The following GORAB variants were observed in gnomAD, a reference collection of about 807,000 sequenced individuals.
GORAB encodes the protein golgin, RAB6 interacting.
In GORAB, 17 loss-of-function variants were observed where a neutral mutation model predicts 29.9. The observed-to-expected ratio is 0.57, with a 90% confidence interval of 0.39 to 0.85. The LOEUF is 0.85. Among genes scored for constraint, GORAB ranks in the 40% least tolerant of loss-of-function variants. The pLI, the probability that GORAB is intolerant of heterozygous loss-of-function variation, is 0.00. For synonymous variants in GORAB, 183 were observed against 157.2 expected, an observed-to-expected ratio of 1.16 and a Z score of -1.23; for missense variants, 442 against 437.8, an observed-to-expected ratio of 1.01 and a Z score of -0.09.
intron 2 of GORAB, 191 bp downstream of exon 2, chr1:170,539,758 G>A (rs1649301285): frequency 1.6e-6 from 1 of 611,428 alleles, no homozygotes; most frequent in African/African-American, 1.9e-5. Context: ...CAGGCATTCT[G>A]TATGTTTTAT....
At position 170,534,931 on chromosome 1, in the gene GORAB, G is replaced by C. The variant is rs546127775; in HGVS notation, c.61+2647G>C. On this transcript the variant is annotated intron_variant, in intron 1 of 4. Transcript: ENST00000367763. ...ATTGGTATTTATGAAATCAGGTTAA[G>C]ACAAGTTAAGCTAAAGTAACAAATA... is the stretch of plus-strand genomic sequence containing the variant. 2.0e-5 allele frequency among the ~76,000 whole-genome samples: 3 copies of C among 152,260 alleles called. No individual in the cohort carries two copies. The South Asian group carries it at 6.2e-4, about 32-fold the overall frequency.
At chr1:170,544,586 A>G (rs1037570542) in intron 3 of GORAB, 119 bp from the exon 4 acceptor site, 2 of 699,392 alleles carry the variant, frequency 2.9e-6, no homozygotes, top group Non-Finnish European at 4.4e-6. Flanking sequence ...ATTTTTTTCT[A>G]ACTTTTAAAA....
chr1:170,544,172 T>TA (rs769619951), intron 3 of GORAB, among the ~76,000 whole-genome samples: 5 of 152,194 alleles, frequency 3.3e-5, no homozygotes, highest in Non-Finnish European at 7.3e-5. Context: ...TTTTCGTAAC[T>TA]AGTAGTTTTC....
intron 1 of GORAB, among the ~76,000 whole-genome samples, chr1:170,534,682 A>G (rs570369156): frequency 2.0e-5 from 3 of 152,286 alleles, no homozygotes; most frequent in African/African-American, 7.2e-5. Flanking sequence ...ATAGTGACAT[A>G]CTGTACAGGT....
Position 170,533,476 on chromosome 1 carries a change from C to G in GORAB, c.61+1192C>G, listed in dbSNP as rs1309844966. 5 of 426,522 alleles carry G rather than the reference C, an allele frequency of 1.2e-5. No homozygotes were observed. The Admixed American group carries it at 1.2e-4, about 10-fold the overall frequency. The allele number at this position is 426,522 out of a possible 1,614,324, so 26.4% of individuals were successfully genotyped here. On this transcript the variant is annotated intron_variant, in intron 1 of 4. Transcript: ENST00000367763. ...CTTTGATATACAGGGTACAAGTGCC[C>G]TGGCCTCTGGTCTGACTCCAGTAGA...
chr1:170,532,376 G>T, intron 1 of GORAB, 92 bp downstream of exon 1: 1 of 1,399,244 alleles, frequency 7.1e-7, no homozygotes, highest in Admixed American at 1.7e-5. Context: ...GCGTGGAAGC[G>T]GCTACGTTTG....
intron 4 of GORAB, chr1:170,545,746 A>T: frequency 2.0e-6 from 2 of 985,212 alleles, no homozygotes; most frequent in South Asian, 4.7e-5. Flanking sequence ...TAAAGCGGAA[A>T]TGCTTGATTG....
chr1:170,540,356 CTT>C (rs944308779), intron 2 of GORAB, among the ~76,000 whole-genome samples: 4 of 151,670 alleles, frequency 2.6e-5, no homozygotes, highest in South Asian at 2.1e-4. Context: ...AATATATACT[CTT>C]ATTTCTTTGT....
In GORAB at chr1:170,552,470, G is replaced by T. The variant is rs755480388; in HGVS notation, c.*8G>T. 2 of 1,611,518 alleles carry T rather than the reference G, an allele frequency of 1.2e-6. No individual in the cohort carries two copies. Among genetic ancestry groups the T allele is most frequent in the African/African-American group, 1.3e-5 (1 of 74,970 alleles). Reference sequence around the variant, plus strand: ...GCTGCTTTGGCCACATGAAGTTCTGGTATTCTTTTGAGCTAATATGGTATT... The same window carrying T: ...GCTGCTTTGGCCACATGAAGTTCTGTTATTCTTTTGAGCTAATATGGTATT... On this transcript the variant is annotated 3_prime_UTR_variant, in exon 5 of 5. Coordinates refer to ENST00000367763, the MANE Select transcript of GORAB (RefSeq NM_152281.3).
intron 4 of GORAB, among the ~76,000 whole-genome samples, chr1:170,550,847 A>AG (rs1650058135): frequency 6.6e-6 from 1 of 152,248 alleles, no homozygotes; most frequent in African/African-American, 2.4e-5. Flanking sequence ...CAAGAGAGGA[A>AG]GGACCCTCTT....
intron 4 of GORAB, among the ~76,000 whole-genome samples, chr1:170,550,490 A>G (rs1441886558): frequency 6.6e-6 from 1 of 152,248 alleles, no homozygotes; most frequent in Admixed American, 6.5e-5. Context: ...CGTGTATCCT[A>G]CAATAAAACC....
chr1:170,537,521 A>G (rs1649136333), intron 1 of GORAB, among the ~76,000 whole-genome samples: 1 of 152,146 alleles, frequency 6.6e-6, no homozygotes, highest in South Asian at 2.1e-4. Context: ...ATTTGCCCCT[A>G]CAGCGTAATC....
intron 4 of GORAB, 37 bp from the exon 5 acceptor site, chr1:170,551,978 A>T: frequency 6.4e-7 from 1 of 1,567,852 alleles, no homozygotes; most frequent in African/African-American, 1.4e-5. Flanking sequence ...TCTTCAATGG[A>T]AAACTGATGG....
chr1:170,539,096 GTAGGAGAACCAC>G, intron 1 of GORAB, 102 bp from the exon 2 acceptor site: 1 of 1,269,882 alleles, frequency 7.9e-7, no homozygotes, highest in Non-Finnish European at 1.1e-6. Context: ...AGAGAATGGG[GTAGGAGAACCAC>G]TAGAATTATC....
At position 170,539,386 on chromosome 1, in the gene GORAB, T is replaced by C. The variant is rs1649262798; in HGVS notation, c.238T>C (p.Phe80Leu). The stretch of plus-strand genomic sequence containing the variant: ...GAGAGTTAACGTTCAAAAACCACCT[T>C]TTTCTTCCCCTACTCTTCCGAGTCA... ...KQRVNVQKPP[F>L]SSPTLPSHFT... Residue 80 changes from phenylalanine to leucine, a missense_variant, in exon 2 of 5, where the codon TTT becomes CTT. Phe to Leu is a conservative substitution (Grantham distance 22). Coordinates refer to ENST00000367763, the MANE Select transcript of GORAB (RefSeq NM_152281.3). The C allele has an allele frequency of 6.2e-7, 1 of 1,613,962 alleles. No homozygotes were observed. Among genetic ancestry groups the C allele is most frequent in the African/African-American group, 1.3e-5 (1 of 74,888 alleles).
Position 170,548,351 on chromosome 1 carries a change from C to CTG in GORAB, c.662+3506_662+3507insTG, listed in dbSNP as rs397753644. ...GCTGGATAATCTGGAATAAACTCCT[C>CTG]AAAACCTTTATCTTAATCACATCTT... is the stretch of plus-strand genomic sequence containing the variant. On this transcript the variant is annotated intron_variant, in intron 4 of 4. Coordinates refer to ENST00000367763, the MANE Select transcript of GORAB (RefSeq NM_152281.3). Among the ~76,000 whole-genome samples, 1,022 of 152,016 alleles carry CTG rather than the reference C, an allele frequency of 6.7e-3. 4 individuals are homozygous for CTG. Among genetic ancestry groups the CTG allele is most frequent in the Non-Finnish European group, 0.012 (842 of 67,972 alleles).
chr1:170,550,628 A>G (rs1650047255), intron 4 of GORAB, among the ~76,000 whole-genome samples: 1 of 152,194 alleles, frequency 6.6e-6, no homozygotes, highest in African/African-American at 2.4e-5. Flanking sequence ...AATGAAAGCC[A>G]TTTATTATTT....
At chr1:170,534,978 A>T (rs1648966714) in intron 1 of GORAB, among the ~76,000 whole-genome samples, 1 of 152,204 alleles carries the variant, frequency 6.6e-6, no homozygotes, top group African/African-American at 2.4e-5. Flanking sequence ...TCAATTGTTT[A>T]AAATAAAGAT....
rs542335522 is a variant in GORAB at position 170,540,229 on chromosome 1, T to C, written c.419+662T>C. 9.9e-5 allele frequency among the ~76,000 whole-genome samples: 15 copies of C among 152,278 alleles called. 1 individual carries two copies. Among genetic ancestry groups the C allele is most frequent in the Middle Eastern group, 3.4e-3 (1 of 294 alleles). On this transcript the variant is annotated intron_variant, in intron 2 of 4. Transcript: ENST00000367763. ...CATCATTAGATTTCTTTTTATTTATTCTTTACTGTCTTTGTATTAGAAACA... is the reference window on the plus strand; with the variant it reads ...CATCATTAGATTTCTTTTTATTTATCCTTTACTGTCTTTGTATTAGAAACA...
Sources: allele counts gnomAD v4.1 joint callset (sites outside exome capture counted in the v4.1 genomes callset), GRCh38; gene constraint gnomAD v4.1.1; transcripts MANE v1.5; gene names NCBI Gene and HGNC (gene_info 2026-07-23, HGNC 2026-07-21).